ZBTB40: variants seen among roughly 807,000 people sequenced by gnomAD.
The protein encoded by ZBTB40 is zinc finger and BTB domain containing 40, also known as zinc finger and BTB domain-containing protein 40.
ZBTB40 carries 60 observed loss-of-function variants against 117.5 expected under a neutral mutation model. The ratio of observed to expected loss-of-function variants is 0.51; its 90% confidence interval spans 0.41 to 0.63. The LOEUF (loss-of-function observed/expected upper bound fraction) is 0.63. ZBTB40 is among the 30% of genes least tolerant of loss of function. The pLI is 0.00. For synonymous variants in ZBTB40, 525 were observed against 577.1 expected (o/e 0.91, Z 1.29); for missense variants, 1,287 against 1,498.5 (o/e 0.86, Z 2.33).
At chr1:22,490,729 G>A in intron 2 of ZBTB40, 84 bp downstream of exon 2, 1 of 1,517,830 alleles carries the variant, frequency 6.6e-7, no homozygotes, top group Non-Finnish European at 8.9e-7. Context: ...ATTTATCAAA[G>A]ACCACTGTTA....
chr1:22,482,896 G>A (rs1224344324), intron 1 of ZBTB40, among the ~76,000 whole-genome samples: 2 of 152,086 alleles, frequency 1.3e-5, no homozygotes, highest in East Asian at 1.9e-4. Context: ...GGCTAACACA[G>A]TGAAACCCGG....
At chr1:22,507,855 T>C (rs897488670) in intron 6 of ZBTB40, 146 bp from the exon 7 acceptor site, 21 of 1,124,624 alleles carry the variant, frequency 1.9e-5, no homozygotes, top group African/African-American at 1.5e-4. Flanking sequence ...TGAACATATG[T>C]GTATGAGGCC....
intron 1 of ZBTB40, among the ~76,000 whole-genome samples, chr1:22,469,894 T>C (rs1243758212): frequency 2.0e-5 from 3 of 152,328 alleles, no homozygotes; most frequent in Admixed American, 2.0e-4. Flanking sequence ...TGTTTGCATA[T>C]ATTTTGGGCA....
Position 22,512,102 on chromosome 1 carries a change from A to T in ZBTB40, c.2429A>T (p.Asp810Val). The change falls in exon 11 of 18, where the codon GAC becomes GTC. Residue 810 changes from aspartate to valine, a missense_variant. Around this residue, in one of 2 missense-constraint regions of ZBTB40, gnomAD observed 417 missense variants for 564.1 expected, o/e 0.74. Transcript: ENST00000375647. ...AAGAAGAGGCTTCCAGTGACATGTG[A>T]CCTCTGTGGCAGAGAATTTGCCCAT... ...KKKKRLPVTC[D>V]LCGREFAHAS... The T allele has an allele frequency of 2.5e-6, 4 of 1,613,428 alleles. No individual in the cohort carries two copies. The highest frequency in any genetic ancestry group is 3.4e-6 in the Non-Finnish European group (4 of 1,180,024).
chr1:22,436,831 CAT>C (rs528643691), intron 1 of ZBTB40, among the ~76,000 whole-genome samples: 55 of 152,190 alleles, frequency 3.6e-4, no homozygotes, highest in African/African-American at 1.3e-3. Context: ...TGTTGTATAA[CAT>C]GTAACATGTT....
chr1:22,493,192 A>T (rs931622835), intron 3 of ZBTB40, among the ~76,000 whole-genome samples: 1 of 152,184 alleles, frequency 6.6e-6, no homozygotes, highest in Admixed American at 6.5e-5. Flanking sequence ...CAATATCATT[A>T]ATATACTTCA....
intron 1 of ZBTB40, among the ~76,000 whole-genome samples, chr1:22,440,873 G>C (rs966175855): frequency 6.6e-6 from 1 of 151,942 alleles, no homozygotes; most frequent in African/African-American, 2.4e-5. Flanking sequence ...GCTGAATTTG[G>C]TTTGCTAGTA....
intron 10 of ZBTB40, among the ~76,000 whole-genome samples, 162 bp from the exon 11 acceptor site, chr1:22,511,511 GTTC>G (rs1245423095): frequency 6.6e-6 from 1 of 152,200 alleles, no homozygotes; most frequent in Non-Finnish European, 1.5e-5. Context: ...GGGGGAAAAT[GTTC>G]TTTGTGTTTA....
chr1:22,439,264 A>T (rs1267708988), intron 1 of ZBTB40, among the ~76,000 whole-genome samples: 1 of 152,138 alleles, frequency 6.6e-6, no homozygotes, highest in African/African-American at 2.4e-5. Context: ...CTGATATATG[A>T]TTTATAAATG....
At position 22,530,588 on chromosome 1, in the gene ZBTB40, C is replaced by T. The variant is rs1639803885; in HGVS notation, c.*4192C>T. 6.6e-6 allele frequency: 1 copy of T among 152,278 alleles called. No homozygotes were observed. The highest frequency in any genetic ancestry group is 1.5e-5 in the Non-Finnish European group (1 of 68,038). The allele number at this position is 152,278 out of a possible 1,614,324, so 9.4% of individuals were successfully genotyped here. ...AGTCATCCCTGCTTCCACCCATGGTCAGGACAGTCAGCCACTACGTGATGC... is the reference window on the plus strand; with the variant it reads ...AGTCATCCCTGCTTCCACCCATGGTTAGGACAGTCAGCCACTACGTGATGC... On this transcript the variant is annotated 3_prime_UTR_variant, in exon 18 of 18. Coordinates refer to ENST00000375647, the MANE Select transcript of ZBTB40 (RefSeq NM_014870.4).
intron 1 of ZBTB40, among the ~76,000 whole-genome samples, chr1:22,453,714 G>T (rs1172765740): frequency 2.0e-5 from 3 of 152,150 alleles, no homozygotes; most frequent in Non-Finnish European, 4.4e-5. Context: ...GATGTTCGAG[G>T]TTACATAGCT....
At chr1:22,437,952 G>A (rs1490113389) in intron 1 of ZBTB40, among the ~76,000 whole-genome samples, 1 of 151,690 alleles carries the variant, frequency 6.6e-6, no homozygotes, top group Non-Finnish European at 1.5e-5. Flanking sequence ...CAAACATGGA[G>A]AAACCCTGTC....
intron 1 of ZBTB40, among the ~76,000 whole-genome samples, chr1:22,432,415 C>T (rs546025015): frequency 4.6e-5 from 7 of 152,304 alleles, no homozygotes; most frequent in African/African-American, 9.6e-5. Context: ...ACATCTGCTC[C>T]GTCTGTATTC....
intron 1 of ZBTB40, among the ~76,000 whole-genome samples, chr1:22,472,946 G>C (rs1641446471): frequency 6.6e-6 from 1 of 152,208 alleles, no homozygotes; most frequent in South Asian, 2.1e-4. Flanking sequence ...AGGCCTGGTT[G>C]TTAGGATCCT....
At chr1:22,508,445 TA>T in intron 7 of ZBTB40, 84 bp from the exon 8 acceptor site, 1 of 1,506,784 alleles carries the variant, frequency 6.6e-7, no homozygotes, top group Non-Finnish European at 9.2e-7. Flanking sequence ...ATATTCACTG[TA>T]ACCCAATATC....
Position 22,522,471 on chromosome 1 carries a change from C to T in ZBTB40, c.3298+8C>T, listed in dbSNP as rs1019440128. The T allele has an allele frequency of 2.5e-6, 4 of 1,613,880 alleles. No homozygotes were observed. The African/African-American group carries it at 5.3e-5, about 22-fold the overall frequency. Reference sequence around the variant, plus strand: ...TCAAGTGCCAGCATTCAGGTCAGTACCCCTGTCAGCATACTTCTAGGCTAG... The same window carrying T: ...TCAAGTGCCAGCATTCAGGTCAGTATCCCTGTCAGCATACTTCTAGGCTAG... On this transcript the variant is annotated splice_region_variant and intron_variant, in intron 16 of 17. Transcript: ENST00000375647.
intron 13 of ZBTB40, 71 bp from the exon 14 acceptor site, chr1:22,519,990 C>T (rs1326030559): frequency 2.9e-6 from 4 of 1,380,600 alleles, no homozygotes; most frequent in Non-Finnish European, 4.1e-6. Context: ...ACCAGTGTTT[C>T]ACTGATGGCT....
intron 4 of ZBTB40, 104 bp downstream of exon 4, chr1:22,501,788 G>A: frequency 7.8e-7 from 1 of 1,284,272 alleles, no homozygotes; most frequent in Non-Finnish European, 1.1e-6. Flanking sequence ...GTTATTAAGT[G>A]GTTTTCACAT....
At chr1:22,438,825 T>G (rs1173576030) in intron 1 of ZBTB40, among the ~76,000 whole-genome samples, 1 of 152,168 alleles carries the variant, frequency 6.6e-6, no homozygotes, top group Non-Finnish European at 1.5e-5. Flanking sequence ...GTATCTTCTT[T>G]AGAGAAATAT....
Sources: gnomAD v4.1 joint callset for allele counts (sites outside exome capture counted in the v4.1 genomes callset) on GRCh38, gnomAD v4.1.1 for gene constraint, gnomAD v4.1.1 regional missense constraint, MANE v1.5 for transcripts, NCBI Gene and HGNC (gene_info 2026-07-23, HGNC 2026-07-21) for gene names.